GRID2: variants seen among roughly 807,000 people sequenced by gnomAD.
The protein encoded by GRID2 is glutamate ionotropic receptor delta type subunit 2.
GRID2 carries 33 observed loss-of-function variants against 114.8 expected under a neutral mutation model. That is an observed-to-expected ratio of 0.29 (90% confidence interval 0.22 to 0.38). The LOEUF (loss-of-function observed/expected upper bound fraction) is 0.38. GRID2 is among the 10% of genes least tolerant of loss of function. GRID2 has a pLI of 1.00. For missense variants in GRID2, 1,184 were observed against 1,257.7 expected (o/e 0.94, Z 0.89); for synonymous variants, 505 against 449.9 (o/e 1.12, Z -1.55).
intron 14 of GRID2, among the ~76,000 whole-genome samples, chr4:93,673,065 A>G (rs957408786): frequency 1.4e-4 from 21 of 152,232 alleles, no homozygotes; most frequent in African/African-American, 5.1e-4. Flanking sequence ...AGAAATGGGA[A>G]GAGACTGAAG....
rs564740924 is a variant in GRID2 at position 92,712,238 on chromosome 4, C to A, written c.244+121952C>A. On this transcript the variant is annotated intron_variant, in intron 2 of 15. Coordinates refer to ENST00000282020, the MANE Select transcript of GRID2 (RefSeq NM_001510.4). ...AATTGGTATATGTATTTTGTATTTA[C>A]AATCGGTTATTTTTTATGTTAATCT... Among the ~76,000 whole-genome samples the A allele has an allele frequency of 2.0e-5, 3 of 152,154 alleles. No homozygotes were observed. In the East Asian group the frequency reaches 5.8e-4, roughly 29 times the overall value.
chr4:92,977,111 G>T (rs1369286894), intron 2 of GRID2, among the ~76,000 whole-genome samples: 2 of 152,076 alleles, frequency 1.3e-5, no homozygotes, highest in Admixed American at 6.6e-5. Flanking sequence ...ATTATTACAA[G>T]AATCAGAAAG....
intron 2 of GRID2, among the ~76,000 whole-genome samples, chr4:92,756,293 A>G (rs903982558): frequency 6.6e-6 from 1 of 152,090 alleles, no homozygotes; most frequent in African/African-American, 2.4e-5. Context: ...TTTTAGCTAA[A>G]TAGTATTTCA....
intron 2 of GRID2, among the ~76,000 whole-genome samples, chr4:93,016,295 A>G (rs1202317356): frequency 6.6e-6 from 1 of 152,196 alleles, no homozygotes; most frequent in African/African-American, 2.4e-5. Flanking sequence ...TAAGGAATGA[A>G]GTGACCTCTA....
intron 9 of GRID2, among the ~76,000 whole-genome samples, chr4:93,411,691 C>T (rs1400976177): frequency 6.6e-6 from 1 of 151,996 alleles, no homozygotes; most frequent in Non-Finnish European, 1.5e-5. Flanking sequence ...CTCGGCCTCC[C>T]AAAGTGCTGG....
intron 1 of GRID2, among the ~76,000 whole-genome samples, chr4:92,560,379 CCT>C (rs1426496565): frequency 6.6e-6 from 1 of 152,116 alleles, no homozygotes; most frequent in South Asian, 2.1e-4. Context: ...CAATTCTGTT[CCT>C]CTCTCTTTTG....
chr4:93,014,849 T>C (rs1403447961), intron 2 of GRID2, among the ~76,000 whole-genome samples: 1 of 152,140 alleles, frequency 6.6e-6, no homozygotes, highest in Non-Finnish European at 1.5e-5. Flanking sequence ...CAAAGAACTG[T>C]ACGTTGCTCA....
rs753814961 is a variant in GRID2, at chr4:93,137,966, G to GTTTTTTTTT, written c.735+27029_735+27037dup. On this transcript the variant is annotated intron_variant, in intron 4 of 15. Coordinates refer to ENST00000282020, the MANE Select transcript of GRID2 (RefSeq NM_001510.4). ...AAAGTCTAGCAAGAATTTTTTCTTCGTTTTTTTTTTTTTTTTTTTTTTTTG... is the reference window on the plus strand; with the variant it reads ...AAAGTCTAGCAAGAATTTTTTCTTCGTTTTTTTTTTTTTTTTTTTTTTTTTTTTTTTTTG... Among the ~76,000 whole-genome samples the GTTTTTTTTT allele has an allele frequency of 7.1e-4, 56 of 78,392 alleles. 3 individuals are homozygous for GTTTTTTTTT. The highest frequency in any genetic ancestry group is 2.1e-3 in the East Asian group (5 of 2,370). The allele number at this position is 78,392 out of a possible 152,430, so 51.4% of individuals were successfully genotyped here.
At chr4:93,450,564 A>C (rs1343996520) in intron 10 of GRID2, among the ~76,000 whole-genome samples, 2 of 151,926 alleles carry the variant, frequency 1.3e-5, no homozygotes, top group East Asian at 3.9e-4. Flanking sequence ...GAGTAAATGT[A>C]TTTCAATTTG....
chr4:92,581,160 T>C (rs2149202717), intron 1 of GRID2, among the ~76,000 whole-genome samples: 1 of 151,014 alleles, frequency 6.6e-6, no homozygotes, highest in South Asian at 2.1e-4. Flanking sequence ...CAAGAAAAAA[T>C]CCAGATATTT....
chr4:92,970,395 G>C (rs929768634), intron 2 of GRID2, among the ~76,000 whole-genome samples: 1 of 151,828 alleles, frequency 6.6e-6, no homozygotes, highest in Non-Finnish European at 1.5e-5. Flanking sequence ...AATTTATATA[G>C]AATATATTAA....
chr4:92,350,395 C>T (rs759853430), intron 1 of GRID2, among the ~76,000 whole-genome samples: 2 of 151,724 alleles, frequency 1.3e-5, no homozygotes, highest in Non-Finnish European at 3.0e-5. Context: ...ATAGTGTGCT[C>T]TTCAATGTAC....
chr4:92,969,731 A>G (rs753799581), intron 2 of GRID2, among the ~76,000 whole-genome samples: 149 of 151,934 alleles, frequency 9.8e-4, no homozygotes, highest in Non-Finnish European at 1.9e-3. Context: ...TTGACATAGG[A>G]TAATTAGATT....
chr4:93,531,642 TAAAC>T (rs1731456196), intron 13 of GRID2, among the ~76,000 whole-genome samples: 1 of 152,090 alleles, frequency 6.6e-6, no homozygotes, highest in Non-Finnish European at 1.5e-5. Flanking sequence ...TGATAATAGA[TAAAC>T]AAAAACAAGT....
chr4:93,614,214 C>T (rs1192578646), intron 13 of GRID2, among the ~76,000 whole-genome samples: 1 of 152,216 alleles, frequency 6.6e-6, no homozygotes, highest in East Asian at 1.9e-4. Context: ...CACTGTCTGG[C>T]ACTCCCTAGT....
chr4:92,386,307 A>G (rs958875622), intron 1 of GRID2, among the ~76,000 whole-genome samples: 1 of 151,704 alleles, frequency 6.6e-6, no homozygotes, highest in Non-Finnish European at 1.5e-5. Flanking sequence ...TGCTGAGGGC[A>G]TCGCTAATTT....
intron 10 of GRID2, among the ~76,000 whole-genome samples, chr4:93,452,901 T>A (rs1278876393): frequency 3.3e-5 from 5 of 151,878 alleles, no homozygotes; most frequent in African/African-American, 7.3e-5. Context: ...TTTTTTTTTT[T>A]ATTATACTTT....
chr4:93,066,514 C>A (rs1314371698), intron 2 of GRID2, among the ~76,000 whole-genome samples: 1 of 151,958 alleles, frequency 6.6e-6, no homozygotes, highest in East Asian at 1.9e-4. Context: ...ATTGGTCCTC[C>A]CTCGTTTACA....
chr4:92,354,742 G>A lies in GRID2; in HGVS notation c.88+49998G>A, dbSNP rs535048061. On this transcript the variant is annotated intron_variant, in intron 1 of 15. Transcript: ENST00000282020. ...AAACAAACTTGGTTCAATTATTTAT[G>A]ATTAATGTTGCCCTAGACCTGTCTA... Among the ~76,000 whole-genome samples the A allele has an allele frequency of 9.9e-5, 15 of 152,038 alleles. No homozygotes were observed. The South Asian group carries it at 3.1e-3, about 32-fold the overall frequency.
Sources: allele counts gnomAD v4.1 joint callset (sites outside exome capture counted in the v4.1 genomes callset), GRCh38; gene constraint gnomAD v4.1.1; transcripts MANE v1.5; gene names NCBI Gene and HGNC (gene_info 2026-07-23, HGNC 2026-07-21).